GPR149: variants seen among roughly 807,000 people sequenced by gnomAD.
The protein encoded by GPR149 is probable G protein-coupled receptor 149.
In GPR149, 50 loss-of-function variants were observed where a neutral mutation model predicts 50.2. That is an observed-to-expected ratio of 1.00 (90% CI 0.79 to 1.26). The LOEUF is 1.26. GPR149 is among the 50% of genes most tolerant of loss of function. GPR149 has a pLI of 0.00. For missense variants in GPR149, 983 were observed against 895.4 expected, an observed-to-expected ratio of 1.10 and a Z score of -1.25; for synonymous variants, 405 against 358.2, an observed-to-expected ratio of 1.13 and a Z score of -1.48.
chr3:154,360,357 C>G (rs1314914135), intron 3 of GPR149, among the ~76,000 whole-genome samples: 1 of 152,160 alleles, frequency 6.6e-6, no homozygotes, highest in Non-Finnish European at 1.5e-5. Context: ...GGCAGTTTAA[C>G]AAGAATCAAG....
At chr3:154,381,007 T>G (rs1481333764) in intron 3 of GPR149, among the ~76,000 whole-genome samples, 2 of 152,174 alleles carry the variant, frequency 1.3e-5, no homozygotes, top group African/African-American at 2.4e-5. Flanking sequence ...AATACAAAGA[T>G]CAGGTCTCCA....
intron 3 of GPR149, among the ~76,000 whole-genome samples, chr3:154,419,203 A>G (rs1712071222): frequency 6.6e-6 from 1 of 152,056 alleles, no homozygotes; most frequent in African/African-American, 2.4e-5. Flanking sequence ...AGATACCTGG[A>G]TTGATCAAAG....
In GPR149 at chr3:154,367,421, T is replaced by C. The variant is rs371915573; in HGVS notation, c.1624-29150A>G. On this transcript the variant is annotated intron_variant, in intron 3 of 3. Transcript: ENST00000389740. Reference sequence around the variant, plus strand: ...ATCTATGCTTCCAATTCCAATTCCTTGTAAACACAGTTTGTTAAGTCCTGT... The same window carrying C: ...ATCTATGCTTCCAATTCCAATTCCTCGTAAACACAGTTTGTTAAGTCCTGT... 2.4e-4 allele frequency among the ~76,000 whole-genome samples: 37 copies of C among 152,244 alleles called. 2 individuals are homozygous for C. In the South Asian group the frequency reaches 7.1e-3, roughly 29 times the overall value.
At chr3:154,380,712 GT>G (rs11296104) in intron 3 of GPR149, among the ~76,000 whole-genome samples, 105,668 of 145,316 alleles carry the variant, frequency 0.73, 37,142 homozygotes, top group East Asian at 0.89. Flanking sequence ...TTCATATAGA[GT>G]TTTTTTTAAA....
intron 3 of GPR149, among the ~76,000 whole-genome samples, chr3:154,369,993 A>G (rs570165005): frequency 6.6e-6 from 1 of 152,270 alleles, no homozygotes; most frequent in Admixed American, 6.5e-5. Context: ...CAGATCATGG[A>G]GATTGGAGCC....
chr3:154,347,120 G>C lies in GPR149; in HGVS notation c.1624-8849C>G, dbSNP rs149839847. On this transcript the variant is annotated intron_variant, in intron 3 of 3. Transcript: ENST00000389740. ...ATAGATGATATAATTGAGTCATAGG[G>C]AGGTAATAAGGGAAGGTAATGAATA... is the stretch of plus-strand genomic sequence containing the variant. Among the ~76,000 whole-genome samples, 1,218 of 152,282 alleles carry C rather than the reference G, an allele frequency of 8.0e-3. 15 individuals are homozygous for C. The highest frequency in any genetic ancestry group is 0.028 in the African/African-American group (1,153 of 41,544).
At chr3:154,369,410 CCT>C (rs1242731444) in intron 3 of GPR149, among the ~76,000 whole-genome samples, 1 of 152,056 alleles carries the variant, frequency 6.6e-6, no homozygotes, top group African/African-American at 2.4e-5. Context: ...TTTTCTTTGC[CCT>C]TCGTGACAAT....
At chr3:154,356,346 G>A (rs566458370) in intron 3 of GPR149, among the ~76,000 whole-genome samples, 2 of 152,260 alleles carry the variant, frequency 1.3e-5, no homozygotes, top group Admixed American at 1.3e-4. Context: ...TCAGGCAGGA[G>A]AAGGAAATAA....
chr3:154,427,731 GACCTA>G, intron 1 of GPR149, 23 bp from the exon 2 acceptor site: 1 of 1,593,478 alleles, frequency 6.3e-7, no homozygotes, highest in Non-Finnish European at 8.5e-7. Context: ...GAGAACTTCA[GACCTA>G]ACCTAAAATT....
chr3:154,353,177 A>C, intron 3 of GPR149: 2 of 1,532,224 alleles, frequency 1.3e-6, no homozygotes, highest in Non-Finnish European at 1.8e-6. Flanking sequence ...CTTCAGACCC[A>C]CTGTAGACTT....
At chr3:154,413,057 A>T (rs1360356323) in intron 3 of GPR149, among the ~76,000 whole-genome samples, 1 of 152,134 alleles carries the variant, frequency 6.6e-6, no homozygotes, top group Non-Finnish European at 1.5e-5. Context: ...TGGGGAAAAG[A>T]TACCCTATTC....
intron 2 of GPR149, among the ~76,000 whole-genome samples, chr3:154,423,530 G>C (rs1206069909): frequency 6.6e-6 from 1 of 151,862 alleles, no homozygotes; most frequent in Non-Finnish European, 1.5e-5. Flanking sequence ...TTTCTTGTTA[G>C]TGACTTATCA....
intron 3 of GPR149, among the ~76,000 whole-genome samples, chr3:154,364,236 T>C (rs1046179710): frequency 6.6e-6 from 1 of 152,202 alleles, no homozygotes; most frequent in Non-Finnish European, 1.5e-5. Context: ...CTTTCAAAAG[T>C]CATACTTCTT....
chr3:154,406,846 G>A lies in GPR149; in HGVS notation c.1623+14193C>T, dbSNP rs115158266. ...GCGCATATGCCTTTTGTATTAGCCCGTTCTCACGTTGCTGATAAAGACATA... is the reference window on the plus strand; with the variant it reads ...GCGCATATGCCTTTTGTATTAGCCCATTCTCACGTTGCTGATAAAGACATA... On this transcript the variant is annotated intron_variant, in intron 3 of 3. Coordinates refer to ENST00000389740, the MANE Select transcript of GPR149 (RefSeq NM_001038705.3). 2.2e-3 allele frequency among the ~76,000 whole-genome samples: 333 copies of A among 152,232 alleles called. 1 individual carries two copies. The highest frequency in any genetic ancestry group is 7.4e-3 in the African/African-American group (306 of 41,544).
At chr3:154,393,640 T>C (rs1045136178) in intron 3 of GPR149, among the ~76,000 whole-genome samples, 3 of 152,024 alleles carry the variant, frequency 2.0e-5, no homozygotes, top group African/African-American at 7.2e-5. Flanking sequence ...TTATCCATGC[T>C]TGCAGATGGC....
intron 3 of GPR149, among the ~76,000 whole-genome samples, chr3:154,364,666 C>G (rs1370078503): frequency 1.3e-5 from 2 of 152,208 alleles, no homozygotes; most frequent in Non-Finnish European, 2.9e-5. Flanking sequence ...GGGAAAACAA[C>G]GTTGAATATC....
At chr3:154,420,049 A>T (rs572793226) in intron 3 of GPR149, among the ~76,000 whole-genome samples, 1 of 152,030 alleles carries the variant, frequency 6.6e-6, no homozygotes. Flanking sequence ...AGTTTTATTT[A>T]ATCAATGAGA....
chr3:154,408,487 A>G (rs903612661), intron 3 of GPR149, among the ~76,000 whole-genome samples: 18 of 152,192 alleles, frequency 1.2e-4, no homozygotes, highest in African/African-American at 4.3e-4. Context: ...AGTGGGGCAC[A>G]GTGGGAGTGA....
chr3:154,414,870 A>G (rs763040418), intron 3 of GPR149, among the ~76,000 whole-genome samples: 3 of 152,020 alleles, frequency 2.0e-5, no homozygotes, highest in Non-Finnish European at 2.9e-5. Flanking sequence ...ATTGGAGGTA[A>G]GGAGACATAA....
Sources: gnomAD v4.1 joint callset for allele counts (sites outside exome capture counted in the v4.1 genomes callset) on GRCh38, gnomAD v4.1.1 for gene constraint, MANE v1.5 for transcripts, NCBI Gene and HGNC (gene_info 2026-07-23, HGNC 2026-07-21) for gene names.